Variants in MYH10 observed in about 807,000 individuals in gnomAD.
MYH10 encodes myosin-10.
A neutral mutation model predicts 257.8 loss-of-function variants in MYH10; 55 were observed. The observed-to-expected ratio is 0.21, with a 90% CI of 0.17 to 0.27. The LOEUF is 0.27. Ranked by LOEUF, MYH10 falls within the 10% of genes least tolerant of loss-of-function variation. The pLI, the probability that MYH10 is intolerant of heterozygous loss-of-function variation, is 1.00. For missense variants in MYH10, 1,631 were observed against 2,500.6 expected (o/e 0.65, Z 7.42); for synonymous variants, 854 against 921.7 (o/e 0.93, Z 1.33).
At chr17:8,609,793 C>T (rs1021853324) in intron 2 of MYH10, among the ~76,000 whole-genome samples, 6 of 151,834 alleles carry the variant, frequency 4.0e-5, no homozygotes, top group South Asian at 4.2e-4. Context: ...AAGAAAATGA[C>T]GTTACAAAGG....
At chr17:8,601,404 C>T (rs2084586738) in intron 3 of MYH10, among the ~76,000 whole-genome samples, 1 of 152,234 alleles carries the variant, frequency 6.6e-6, no homozygotes, top group African/African-American at 2.4e-5. Flanking sequence ...TGTCATGTTG[C>T]CCTATCCACC....
intron 2 of MYH10, among the ~76,000 whole-genome samples, chr17:8,610,445 A>C (rs1310550331): frequency 6.6e-6 from 1 of 151,468 alleles, no homozygotes; most frequent in Non-Finnish European, 1.5e-5. Flanking sequence ...AAAAATAAAA[A>C]ATAAATAAAA....
At chr17:8,568,391 T>A (rs1443875628) in intron 7 of MYH10, among the ~76,000 whole-genome samples, 1 of 152,176 alleles carries the variant, frequency 6.6e-6, no homozygotes, top group East Asian at 1.9e-4. Context: ...GGGTCCTCTG[T>A]GATCCTGAAT....
chr17:8,604,735 T>G lies in MYH10; in HGVS notation c.502+91A>C, dbSNP rs2084734888. 5.1e-6 allele frequency: 5 copies of G among 972,502 alleles called. No homozygotes were observed. The South Asian group carries it at 1.6e-4, about 32-fold the overall frequency. The allele number at this position is 972,502 out of a possible 1,614,324, so 60.2% of individuals were successfully genotyped here. On this transcript the variant is annotated intron_variant, in intron 3 of 42. Transcript: ENST00000360416. ...TTTATTAATTTTAAAAAAATAAAATTTAACTTTTGTAGAATACATTGAGAC... is the reference window on the plus strand; with the variant it reads ...TTTATTAATTTTAAAAAAATAAAATGTAACTTTTGTAGAATACATTGAGAC...
At position 8,569,907 on chromosome 17, in the gene MYH10, C is replaced by A; in HGVS notation, c.664-95G>T. On this transcript the variant is annotated intron_variant, in intron 6 of 42. Coordinates refer to ENST00000360416, the MANE Select transcript of MYH10 (RefSeq NM_001256012.3). The surrounding 1 kb of genome is among the most constrained non-coding windows in gnomAD (Gnocchi z 4.1). ...AGGGGAAAAATTTCTAAAAAAGAAA[C>A]TGCATCTTTTCCTCAGTTCTTTCAT... is the stretch of plus-strand genomic sequence containing the variant. 1.1e-6 allele frequency: 1 copy of A among 885,684 alleles called. No individual in the cohort carries two copies. Among genetic ancestry groups the A allele is most frequent in the Non-Finnish European group, 1.7e-6 (1 of 593,886 alleles). The allele number at this position is 885,684 out of a possible 1,614,324, so 54.9% of individuals were successfully genotyped here.
In MYH10 at chr17:8,545,023, C is replaced by T. The variant is rs564120012; in HGVS notation, c.1431+425G>A. On this transcript the variant is annotated intron_variant, in intron 13 of 42. Transcript: ENST00000360416. This position sits in a 1 kb window ranked among gnomAD's most constrained non-coding sequence, Gnocchi z 4.7. ...CGACCTGGCCCCATGCTCTTCTCCA[C>T]GTCTCCAACTCCTCTCTCCCTCTGG... 2.6e-5 allele frequency among the ~76,000 whole-genome samples: 4 copies of T among 152,314 alleles called. No individual in the cohort carries two copies. Among genetic ancestry groups the T allele is most frequent in the East Asian group, 3.9e-4 (2 of 5,188 alleles).
At chr17:8,562,959 T>C (rs1451541081) in intron 7 of MYH10, among the ~76,000 whole-genome samples, 1 of 152,226 alleles carries the variant, frequency 6.6e-6, no homozygotes, top group Non-Finnish European at 1.5e-5. Context: ...TTATAATGTA[T>C]CTATAGTAAC....
intron 30 of MYH10, among the ~76,000 whole-genome samples, chr17:8,498,586 G>A (rs1275831157): frequency 1.3e-5 from 2 of 151,982 alleles, no homozygotes; most frequent in African/African-American, 2.4e-5. Context: ...AGTAGCTCAG[G>A]CCTGTAATCC....
At chr17:8,619,097 G>A (rs1360822669) in intron 2 of MYH10, among the ~76,000 whole-genome samples, 1 of 152,110 alleles carries the variant, frequency 6.6e-6, no homozygotes, top group Non-Finnish European at 1.5e-5. Context: ...CGTCCTCAAG[G>A]CAACCATCAT....
chr17:8,609,565 T>C (rs550738628), intron 2 of MYH10, among the ~76,000 whole-genome samples: 146 of 152,166 alleles, frequency 9.6e-4, no homozygotes, highest in African/African-American at 3.2e-3. Context: ...TAGTATAACA[T>C]AGAGTCTACG....
intron 4 of MYH10, among the ~76,000 whole-genome samples, chr17:8,580,235 T>G (rs1467419366): frequency 2.6e-5 from 4 of 152,060 alleles, no homozygotes; most frequent in Non-Finnish European, 5.9e-5. Context: ...CCCACCATCA[T>G]CCTTCTTTTT....
chr17:8,562,880 T>C (rs2083043346), intron 7 of MYH10, among the ~76,000 whole-genome samples: 1 of 152,212 alleles, frequency 6.6e-6, no homozygotes. Context: ...ATGAAAATTA[T>C]CTTAATTAGT....
intron 33 of MYH10, 50 bp downstream of exon 33, chr17:8,492,726 G>T: frequency 1.9e-6 from 3 of 1,565,002 alleles, no homozygotes; most frequent in South Asian, 1.2e-5. Context: ...TAAACCAAAC[G>T]AACAAAAGCA....
At chr17:8,493,643 A>C (rs1916112493) in intron 32 of MYH10, 90 bp downstream of exon 32, 3 of 1,435,896 alleles carry the variant, frequency 2.1e-6, no homozygotes, top group Non-Finnish European at 2.8e-6. Context: ...AACTGTCCCA[A>C]ATGGAGCTGA....
chr17:8,547,352 C>T (rs913512685), intron 11 of MYH10, among the ~76,000 whole-genome samples: 11 of 151,988 alleles, frequency 7.2e-5, no homozygotes, highest in Non-Finnish European at 1.2e-4. Context: ...AAAAGCCATA[C>T]GGAGGATGGA....
At chr17:8,528,672 T>C (rs1597744562) in intron 17 of MYH10, among the ~76,000 whole-genome samples, 1 of 152,208 alleles carries the variant, frequency 6.6e-6, no homozygotes, top group Non-Finnish European at 1.5e-5. Flanking sequence ...TGTCAGCACG[T>C]CACAGGCAAT....
intron 40 of MYH10, among the ~76,000 whole-genome samples, chr17:8,479,241 C>A (rs368231935): frequency 1.4e-5 from 2 of 138,354 alleles, no homozygotes; most frequent in Non-Finnish European, 3.2e-5. Flanking sequence ...TGAAAAAAAA[C>A]CCAAAAACAA....
chr17:8,609,745 C>T (rs1252651154), intron 2 of MYH10, among the ~76,000 whole-genome samples: 2 of 151,876 alleles, frequency 1.3e-5, no homozygotes, highest in Non-Finnish European at 2.9e-5. Context: ...AGGAGAGCAT[C>T]CTTCTTAAAG....
chr17:8,490,562 C>T lies in MYH10; in HGVS notation c.4672-10G>A. ...TTTCAAGTTCGTGAACCTAAACCAC[C>T]GAAGCATCAGGAAAGAGTTGACCGG... On this transcript the variant is annotated splice_polypyrimidine_tract_variant and intron_variant, in intron 34 of 42. Coordinates refer to ENST00000360416, the MANE Select transcript of MYH10 (RefSeq NM_001256012.3). The surrounding 1 kb of genome is among the most constrained non-coding windows in gnomAD (Gnocchi z 4.1). The T allele has an allele frequency of 6.2e-7, 1 of 1,613,294 alleles. No individual in the cohort carries two copies. Among genetic ancestry groups the T allele is most frequent in the Non-Finnish European group, 8.5e-7 (1 of 1,179,268 alleles).
Sources: allele counts gnomAD v4.1 joint callset (sites outside exome capture counted in the v4.1 genomes callset), GRCh38; gene constraint gnomAD v4.1.1; non-coding constraint Gnocchi (gnomAD v3.1); transcripts MANE v1.5; gene names NCBI Gene and HGNC (gene_info 2026-07-23, HGNC 2026-07-21).